PAX3: variants seen among roughly 807,000 people sequenced by gnomAD.
PAX3 encodes the protein paired box 3, also known as paired box protein Pax-3.
In PAX3, 14 loss-of-function variants were observed where a neutral mutation model predicts 51.6. The ratio of observed to expected loss-of-function variants is 0.27; its 90% confidence interval spans 0.18 to 0.42. The LOEUF (loss-of-function observed/expected upper bound fraction) is 0.42. PAX3 is among the 10% of genes least tolerant of loss of function. The pLI, the probability that PAX3 is intolerant of heterozygous loss-of-function variation, is 1.00. For missense variants in PAX3, 540 were observed against 642.8 expected (o/e 0.84, Z 1.73); for synonymous variants, 280 against 253.4 (o/e 1.11, Z -1.00).
intron 4 of PAX3, among the ~76,000 whole-genome samples, chr2:222,245,734 C>T (rs528414768): frequency 2.0e-5 from 3 of 151,372 alleles, no homozygotes; most frequent in African/African-American, 7.3e-5. Flanking sequence ...CTTTGGGAGG[C>T]CAAGGCAAGT....
chr2:222,296,958 G>C lies in PAX3; in HGVS notation c.321+20C>G, dbSNP rs768777115. On this transcript the variant is annotated intron_variant, in intron 2 of 8. Coordinates refer to ENST00000392070, the MANE Select transcript of PAX3 (RefSeq NM_181458.4). ...GGGACCACAGTCTGGGAGCCAGGAG[G>C]GCAAGGCCCGCCCGCTCACCTTGGG... 11 of 1,596,370 alleles carry C rather than the reference G, an allele frequency of 6.9e-6. No homozygotes were observed. Among genetic ancestry groups the C allele is most frequent in the Non-Finnish European group, 7.7e-6 (9 of 1,168,642 alleles).
At chr2:222,298,211 G>A (rs964015921) in intron 1 of PAX3, 5 of 407,816 alleles carry the variant, frequency 1.2e-5, no homozygotes, top group Non-Finnish European at 2.2e-5. Context: ...GACAAATTGC[G>A]GAGAAGTTGC....
chr2:222,202,843 T>G (rs2106035517), intron 7 of PAX3, among the ~76,000 whole-genome samples: 1 of 151,486 alleles, frequency 6.6e-6, no homozygotes, highest in East Asian at 2.0e-4. Flanking sequence ...AGTCACCTGC[T>G]TTGACTGGTG....
At chr2:222,230,927 T>C (rs992038119) in intron 5 of PAX3, among the ~76,000 whole-genome samples, 2 of 152,208 alleles carry the variant, frequency 1.3e-5, no homozygotes, top group African/African-American at 2.4e-5. Context: ...CTTTCTGCAC[T>C]TATCATGTCT....
chr2:222,237,108 G>T (rs1415383233), intron 4 of PAX3, among the ~76,000 whole-genome samples: 2 of 152,002 alleles, frequency 1.3e-5, no homozygotes, highest in Non-Finnish European at 2.9e-5. Flanking sequence ...GGAGGATGAG[G>T]ATTTCTCTCC....
chr2:222,290,305 A>C (rs1222166771), intron 4 of PAX3, among the ~76,000 whole-genome samples: 2 of 152,250 alleles, frequency 1.3e-5, no homozygotes, highest in Admixed American at 6.5e-5. Flanking sequence ...AAGCTTACAA[A>C]TAAAATGGAA....
In PAX3 at chr2:222,225,900, G is replaced by A. The variant is rs560617484; in HGVS notation, c.793-4513C>T. On this transcript the variant is annotated intron_variant, in intron 5 of 8. Transcript: ENST00000392070. ...TCCAGCCAAAGCCTTTTGTGTCTGT[G>A]AGTAAACAGGAAAGTGCCCAGAAAA... Among the ~76,000 whole-genome samples, 18 of 152,286 alleles carry A rather than the reference G, an allele frequency of 1.2e-4. No homozygotes were observed. In the South Asian group the frequency reaches 1.9e-3, roughly 16 times the overall value.
intron 4 of PAX3, among the ~76,000 whole-genome samples, chr2:222,262,080 T>C (rs1466938974): frequency 6.6e-6 from 1 of 152,246 alleles, no homozygotes; most frequent in Non-Finnish European, 1.5e-5. Context: ...GCCAGATAAG[T>C]AGAATCAGAC....
At chr2:222,216,169 C>G (rs1304042105) in intron 7 of PAX3, among the ~76,000 whole-genome samples, 1 of 152,172 alleles carries the variant, frequency 6.6e-6, no homozygotes, top group African/African-American at 2.4e-5. Flanking sequence ...TATGCTTCCT[C>G]TGGTGCTGAC....
chr2:222,266,147 C>G (rs948272229), intron 4 of PAX3, among the ~76,000 whole-genome samples: 4 of 152,122 alleles, frequency 2.6e-5, no homozygotes, highest in African/African-American at 7.2e-5. Context: ...ATTGCTGGAG[C>G]CTACACGGAA....
In PAX3 at chr2:222,233,909, C is replaced by A. The variant is rs1692702745; in HGVS notation, c.587-1626G>T. ...ATTTGCACCCTCAGGCTGATAGGAC[C>A]TGGGGAAATGAAGGTGGTGCTAGAA... On this transcript the variant is annotated intron_variant, in intron 4 of 8. Coordinates refer to ENST00000392070, the MANE Select transcript of PAX3 (RefSeq NM_181458.4). 2.0e-5 allele frequency among the ~76,000 whole-genome samples: 3 copies of A among 152,150 alleles called. No homozygotes were observed. The South Asian group carries it at 6.2e-4, about 32-fold the overall frequency.
chr2:222,284,922 T>A (rs1002570764), intron 4 of PAX3, among the ~76,000 whole-genome samples: 49 of 152,348 alleles, frequency 3.2e-4, no homozygotes, highest in South Asian at 1.0e-3. Context: ...TTGGTCTCAA[T>A]TTTAGAGCAA....
intron 7 of PAX3, among the ~76,000 whole-genome samples, chr2:222,214,119 G>A (rs1691859391): frequency 1.3e-5 from 2 of 152,160 alleles, no homozygotes; most frequent in Admixed American, 6.6e-5. Flanking sequence ...TGCCTTGGCA[G>A]CTAAAGAATT....
intron 4 of PAX3, among the ~76,000 whole-genome samples, chr2:222,243,630 T>C (rs1693101016): frequency 6.6e-6 from 1 of 152,198 alleles, no homozygotes; most frequent in Non-Finnish European, 1.5e-5. Flanking sequence ...GAGGCATAGA[T>C]TCTGTGATCT....
At chr2:222,290,278 A>C (rs1180102117) in intron 4 of PAX3, among the ~76,000 whole-genome samples, 1 of 152,222 alleles carries the variant, frequency 6.6e-6, no homozygotes, top group Non-Finnish European at 1.5e-5. Context: ...GTCCTCGTTA[A>C]CTTTACAAAA....
At chr2:222,253,098 G>A (rs1475280720) in intron 4 of PAX3, among the ~76,000 whole-genome samples, 3 of 152,152 alleles carry the variant, frequency 2.0e-5, no homozygotes, top group African/African-American at 4.8e-5. Flanking sequence ...TACCTACTTA[G>A]TAAACAAAGA....
At chr2:222,201,839 C>G in intron 8 of PAX3, 105 bp downstream of exon 8, 2 of 1,585,702 alleles carry the variant, frequency 1.3e-6, no homozygotes, top group Non-Finnish European at 1.7e-6. Context: ...AAAATTGATA[C>G]CGGCATGTGT....
chr2:222,208,673 T>C (rs911882244), intron 7 of PAX3, among the ~76,000 whole-genome samples: 2 of 152,182 alleles, frequency 1.3e-5, no homozygotes, highest in Admixed American at 1.3e-4. Context: ...GCGCGTGTGC[T>C]CAAACCTATC....
intron 4 of PAX3, among the ~76,000 whole-genome samples, chr2:222,255,731 T>C (rs1574700345): frequency 6.6e-6 from 1 of 152,050 alleles, no homozygotes; most frequent in Non-Finnish European, 1.5e-5. Flanking sequence ...CCATAGCACA[T>C]GCTATTTCAC....
Sources: gnomAD v4.1 joint callset for allele counts (sites outside exome capture counted in the v4.1 genomes callset) on GRCh38, gnomAD v4.1.1 for gene constraint, MANE v1.5 for transcripts, NCBI Gene and HGNC (gene_info 2026-07-23, HGNC 2026-07-21) for gene names.